Variants in IL5RA observed in about 807,000 individuals in gnomAD.
IL5RA encodes interleukin 5 receptor subunit alpha.
In IL5RA, 49 loss-of-function variants were observed where a neutral mutation model predicts 50.0. The observed-to-expected ratio is 0.98, with a 90% CI of 0.78 to 1.24. The LOEUF is 1.24. IL5RA is among the 50% of genes most tolerant of loss of function. The probability of loss-of-function intolerance (pLI) is 0.00; values close to 1 mark genes in which losing one functional copy is unlikely to be tolerated. For synonymous variants in IL5RA, 202 were observed against 174.0 expected (o/e 1.16, Z -1.26); for missense variants, 600 against 500.4 (o/e 1.20, Z -1.90).
At chr3:3,096,263 G>A (rs1346707736) in intron 7 of IL5RA, among the ~76,000 whole-genome samples, 1 of 135,832 alleles carries the variant, frequency 7.4e-6, no homozygotes, top group African/African-American at 2.9e-5. Context: ...GGGTGACAGA[G>A]CAAGAAATCT....
At chr3:3,086,668 C>G (rs969440393) in intron 9 of IL5RA, among the ~76,000 whole-genome samples, 3 of 144,434 alleles carry the variant, frequency 2.1e-5, no homozygotes, top group African/African-American at 8.7e-5. Context: ...CCCCTCATCT[C>G]TTAAAAAAAA....
chr3:3,102,165 C>A (rs1176771074), intron 4 of IL5RA, among the ~76,000 whole-genome samples: 1 of 152,184 alleles, frequency 6.6e-6, no homozygotes, highest in Non-Finnish European at 1.5e-5. Flanking sequence ...TCACTTCTCC[C>A]TTTGTTTGAC....
Position 3,105,000 on chromosome 3 carries a change from A to G in IL5RA, c.-3-13T>C, listed in dbSNP as rs760278553. On this transcript the variant is annotated splice_polypyrimidine_tract_variant and intron_variant, in intron 2 of 11. Transcript: ENST00000446632. The stretch of plus-strand genomic sequence containing the variant: ...CGATGATCATATCCTACAGAAAACA[A>G]GGGAGATACCAAAATCATCTTGTTG... 1 of 1,547,970 alleles carries G rather than the reference A, an allele frequency of 6.5e-7. No homozygotes were observed. Among genetic ancestry groups the G allele is most frequent in the Non-Finnish European group, 8.9e-7 (1 of 1,124,972 alleles).
At position 3,070,059 on chromosome 3, in the gene IL5RA, A is replaced by T; in HGVS notation, c.*166T>A. The T allele has an allele frequency of 1.7e-6, 1 of 578,682 alleles. No individual in the cohort carries two copies. Among genetic ancestry groups the T allele is most frequent in the Admixed American group, 3.0e-5 (1 of 33,736 alleles). 35.8% of individuals were successfully genotyped at this position (578,682 alleles called of 1,614,324 possible). On this transcript the variant is annotated 3_prime_UTR_variant, in exon 12 of 12. Coordinates refer to ENST00000446632, the MANE Select transcript of IL5RA (RefSeq NM_175726.4). ...GTGAGGCGATTTGGATGAAGCATCCATACTTTTAAGAGATACAAGACTGGT... is the reference window on the plus strand; with the variant it reads ...GTGAGGCGATTTGGATGAAGCATCCTTACTTTTAAGAGATACAAGACTGGT...
At chr3:3,094,817 G>A (rs914578862) in intron 8 of IL5RA, among the ~76,000 whole-genome samples, 1 of 152,230 alleles carries the variant, frequency 6.6e-6, no homozygotes. Context: ...CCGCCTCCCT[G>A]GTTGAAGTGA....
chr3:3,081,831 G>A lies in IL5RA; in HGVS notation c.995-5204C>T, dbSNP rs529516407. Reference sequence around the variant, plus strand: ...GCAAAGTCACGGTCACTGCCGGGAGGGAGGTGGCACATTAGTCATTTCTCC... The same window carrying A: ...GCAAAGTCACGGTCACTGCCGGGAGAGAGGTGGCACATTAGTCATTTCTCC... On this transcript the variant is annotated intron_variant, in intron 9 of 11. Coordinates refer to ENST00000446632, the MANE Select transcript of IL5RA (RefSeq NM_175726.4). Among the ~76,000 whole-genome samples the A allele has an allele frequency of 2.0e-5, 3 of 152,288 alleles. No homozygotes were observed. The South Asian group carries it at 6.2e-4, about 32-fold the overall frequency.
At chr3:3,107,710 A>T (rs573927702) in intron 2 of IL5RA, among the ~76,000 whole-genome samples, 10 of 152,316 alleles carry the variant, frequency 6.6e-5, no homozygotes, top group African/African-American at 2.2e-4. Context: ...ATAACATTTC[A>T]TTGAGTCAAT....
intron 9 of IL5RA, among the ~76,000 whole-genome samples, chr3:3,078,526 T>C (rs1574979333): frequency 6.6e-6 from 1 of 152,318 alleles, no homozygotes; most frequent in East Asian, 1.9e-4. Context: ...TCTTACTTTA[T>C]TTCCCAGTCT....
Position 3,070,153 on chromosome 3 carries a change from GC to G in IL5RA, c.*71del, listed in dbSNP as rs1296922751. 2.7e-5 allele frequency: 26 copies of G among 972,686 alleles called. No individual in the cohort carries two copies. The highest frequency in any genetic ancestry group is 4.2e-5 in the Non-Finnish European group (26 of 618,384). The allele number at this position is 972,686 out of a possible 1,614,324, so 60.3% of individuals were successfully genotyped here. On this transcript the variant is annotated 3_prime_UTR_variant, in exon 12 of 12. Transcript: ENST00000446632. ...AATTCTGAACACCTCTTAGCCAAGAGCCAGCATCCCTGTTCTTTTCACTGAG... is the reference window on the plus strand; with the variant it reads ...AATTCTGAACACCTCTTAGCCAAGAGCAGCATCCCTGTTCTTTTCACTGAG...
Position 3,102,818 on chromosome 3 carries a change from A to G in IL5RA, c.85T>C (p.Ser29Pro). ...GTGAAATTGACAGGTGGGAGAAGTG[A>G]AACTGTTGATTCAAAGAATAAAGAA... Reference protein sequence around the residue: ...QADLLPDEKISLLPPVNFTIK... With the variant: ...QADLLPDEKIPLLPPVNFTIK... The change falls in exon 4 of 12, where the codon TCA becomes CCA. Residue 29 changes from serine to proline, a missense_variant and splice_region_variant. Transcript: ENST00000446632. 1.3e-6 allele frequency: 2 copies of G among 1,599,596 alleles called. No individual in the cohort carries two copies. Among genetic ancestry groups the G allele is most frequent in the Non-Finnish European group, 1.7e-6 (2 of 1,175,962 alleles).
At chr3:3,097,000 G>T (rs1216223601) in intron 7 of IL5RA, among the ~76,000 whole-genome samples, 1 of 152,158 alleles carries the variant, frequency 6.6e-6, no homozygotes, top group Non-Finnish European at 1.5e-5. Context: ...CTTGTCCAAG[G>T]TCACTCAGCC....
intron 9 of IL5RA, among the ~76,000 whole-genome samples, chr3:3,088,030 G>T (rs951884461): frequency 1.3e-5 from 2 of 152,180 alleles, no homozygotes; most frequent in African/African-American, 4.8e-5. Context: ...GAAAAGGATG[G>T]CAGTAAATGA....
At chr3:3,082,388 A>G (rs1702698502) in intron 9 of IL5RA, among the ~76,000 whole-genome samples, 1 of 152,216 alleles carries the variant, frequency 6.6e-6, no homozygotes, top group African/African-American at 2.4e-5. Flanking sequence ...GGGCACTGCC[A>G]TTTGGTTATG....
At chr3:3,096,401 G>T (rs163559) in intron 7 of IL5RA, among the ~76,000 whole-genome samples, 3 of 152,020 alleles carry the variant, frequency 2.0e-5, no homozygotes, top group African/African-American at 7.3e-5. Context: ...GGTGAGGTGA[G>T]GGGAAATGAA....
intron 9 of IL5RA, among the ~76,000 whole-genome samples, chr3:3,082,871 T>C (rs956705649): frequency 1.1e-4 from 16 of 152,252 alleles, no homozygotes; most frequent in Admixed American, 1.0e-3. Context: ...AAATTCTGCA[T>C]GTAAGTATGA....
chr3:3,084,914 C>A (rs1168699661), intron 9 of IL5RA, among the ~76,000 whole-genome samples: 1 of 152,264 alleles, frequency 6.6e-6, no homozygotes, highest in Non-Finnish European at 1.5e-5. Flanking sequence ...AAGCTGCCAT[C>A]CCTCCATGAG....
intron 10 of IL5RA, 133 bp downstream of exon 10, chr3:3,076,397 AG>A (rs1702484364): frequency 1.6e-6 from 1 of 627,938 alleles, no homozygotes; most frequent in South Asian, 2.0e-5. Flanking sequence ...CATCTTGGAC[AG>A]GTCATCTAGG....
At chr3:3,100,787 G>C (rs1703608604) in intron 5 of IL5RA, among the ~76,000 whole-genome samples, 1 of 152,046 alleles carries the variant, frequency 6.6e-6, no homozygotes, top group Non-Finnish European at 1.5e-5. Context: ...ATCTACCTTG[G>C]ATTAGTCTCT....
chr3:3,086,193 G>C (rs1014549752), intron 9 of IL5RA, among the ~76,000 whole-genome samples: 3 of 152,128 alleles, frequency 2.0e-5, no homozygotes, highest in African/African-American at 7.2e-5. Flanking sequence ...ATAAGTGCAG[G>C]GTAGACCCAC....
Sources: gnomAD v4.1 joint callset for allele counts (sites outside exome capture counted in the v4.1 genomes callset) on GRCh38, gnomAD v4.1.1 for gene constraint, MANE v1.5 for transcripts, NCBI Gene and HGNC (gene_info 2026-07-23, HGNC 2026-07-21) for gene names.